SRC: variants seen among roughly 807,000 people sequenced by gnomAD.
SRC encodes the protein SRC proto-oncogene, non-receptor tyrosine kinase.
Under a neutral mutation model 62.9 loss-of-function variants are expected in SRC, and 13 were observed. The ratio of observed to expected loss-of-function variants is 0.21; its 90% CI spans 0.13 to 0.33. SRC has a LOEUF of 0.33. Among genes scored for constraint, SRC ranks in the 10% least tolerant of loss-of-function variants. The pLI, the probability that SRC is intolerant of heterozygous loss-of-function variation, is 1.00. For missense variants in SRC, 457 were observed against 737.3 expected (o/e 0.62, Z 4.40); for synonymous variants, 302 against 317.5 (o/e 0.95, Z 0.52).
At position 37,402,911 on chromosome 20, in the gene SRC, C is replaced by T. The variant is rs376562234; in HGVS notation, c.1402+31C>T. On this transcript the variant is annotated intron_variant, in intron 13 of 13. Transcript: ENST00000373578. The surrounding 1 kb of genome is among the most constrained non-coding windows in gnomAD (Gnocchi z 6.2). Reference sequence around the variant, plus strand: ...AAGGTCCTCATGGCCTGTCTGTGGTCCCTGAATCCCTCTGCCCTGGTGGCC... The same window carrying T: ...AAGGTCCTCATGGCCTGTCTGTGGTTCCTGAATCCCTCTGCCCTGGTGGCC... 1.6e-5 allele frequency: 25 copies of T among 1,602,462 alleles called. No individual in the cohort carries two copies. The highest frequency in any genetic ancestry group is 1.5e-4 in the African/African-American group (11 of 74,664).
intron 1 of SRC, among the ~76,000 whole-genome samples, chr20:37,347,168 C>G (rs1023296141): frequency 6.6e-6 from 1 of 152,238 alleles, no homozygotes; most frequent in Non-Finnish European, 1.5e-5. Context: ...TGTGTGTGCC[C>G]CTGGGCAAGA....
chr20:37,373,332 A>G (rs1035367167), intron 2 of SRC, among the ~76,000 whole-genome samples: 1 of 150,626 alleles, frequency 6.6e-6, no homozygotes, highest in African/African-American at 2.4e-5. Context: ...ACACATACAC[A>G]CATGTACACA....
At chr20:37,395,807 G>T (rs570327442) in intron 7 of SRC, among the ~76,000 whole-genome samples, 90 of 152,364 alleles carry the variant, frequency 5.9e-4, no homozygotes, top group Middle Eastern at 6.8e-3. Context: ...ATATGTGGTT[G>T]CATGGAATCT....
At position 37,386,071 on chromosome 20, in the gene SRC, G is replaced by A; in HGVS notation, c.251-4G>A. ...GTTCTGACACACCCCACCCCTCTCT[G>A]CAGGTGGAGTGACCACCTTTGTGGC... On this transcript the variant is annotated splice_region_variant and splice_polypyrimidine_tract_variant and intron_variant, in intron 4 of 13. Coordinates refer to ENST00000373578, the MANE Select transcript of SRC (RefSeq NM_198291.3). 6.2e-7 allele frequency: 1 copy of A among 1,609,206 alleles called. No homozygotes were observed. The highest frequency in any genetic ancestry group is 8.5e-7 in the Non-Finnish European group (1 of 1,175,518).
intron 2 of SRC, among the ~76,000 whole-genome samples, chr20:37,371,019 A>C (rs1600976716): frequency 1.7e-5 from 2 of 118,426 alleles, no homozygotes; most frequent in African/African-American, 3.4e-5. Context: ...ACGGAGTTTC[A>C]CTCTTGTTGC....
chr20:37,361,197 G>A, intron 1 of SRC, among the ~76,000 whole-genome samples: 1 of 152,158 alleles, frequency 6.6e-6, no homozygotes, highest in South Asian at 2.1e-4. Flanking sequence ...TTTAAGGGAG[G>A]GTCAAGGGAT....
chr20:37,368,518 C>CTTTTTTTTTTTTTTGTTTTTTTTTGTTTT (rs2070102489), intron 2 of SRC, among the ~76,000 whole-genome samples: 2 of 73,918 alleles, frequency 2.7e-5, no homozygotes, highest in African/African-American at 4.3e-5. Context: ...CCTATATTTT[C>CTTTTTTTTTTTTTTGTTTTTTTTTGTTTT]TTTTTTTTTT....
rs1183731009 is a variant in SRC at position 37,397,611 on chromosome 20, A to C, written c.704-88A>C. ...TGCGTGTCCCCTGAAATCTGTGTGC[A>C]TCTGGCATGTAGGGCGACACACACT... On this transcript the variant is annotated intron_variant, in intron 8 of 13. Transcript: ENST00000373578. This position sits in a 1 kb window ranked among gnomAD's most constrained non-coding sequence, Gnocchi z 4.1. The C allele has an allele frequency of 7.0e-7, 1 of 1,437,312 alleles. No homozygotes were observed. The highest frequency in any genetic ancestry group is 2.6e-5 in the East Asian group (1 of 38,894). The allele number at this position is 1,437,312 out of a possible 1,614,324, so 89.0% of individuals were successfully genotyped here.
At chr20:37,389,776 C>G (rs6018236) in intron 5 of SRC, among the ~76,000 whole-genome samples, 151,205 of 152,354 alleles carry the variant, frequency 0.99, 75,035 homozygotes, top group Middle Eastern at 1. Context: ...GAGAGGTGAA[C>G]TCAGTTGCTT....
In SRC at chr20:37,404,339, C is replaced by G; in HGVS notation, c.*960C>G. The G allele has an allele frequency of 4.3e-6, 1 of 233,612 alleles. No homozygotes were observed. The allele number at this position is 233,612 out of a possible 1,614,324, so 14.5% of individuals were successfully genotyped here. A position where few individuals can be genotyped will look rare whatever the true frequency, so the allele number is the denominator to read the frequency against. ...AAAGGTGCAGGTGTGGAGAGAGAGG[C>G]TTCAATCGGCTTGTGGGTGATGTTT... On this transcript the variant is annotated 3_prime_UTR_variant, in exon 14 of 14. Transcript: ENST00000373578.
At chr20:37,379,895 C>CA (rs774306236) in intron 2 of SRC, among the ~76,000 whole-genome samples, 17,111 of 40,950 alleles carry the variant, frequency 0.42, 3,020 homozygotes, top group African/African-American at 0.57. Flanking sequence ...GACTCCATTT[C>CA]AAAAAAAAAA....
chr20:37,391,151 C>G (rs4810600), intron 5 of SRC, among the ~76,000 whole-genome samples: 287 of 152,300 alleles, frequency 1.9e-3, no homozygotes, highest in African/African-American at 6.5e-3. Context: ...CCCCAGAGGC[C>G]GGCCAGCCTG....
At chr20:37,381,032 G>A (rs1413542940) in intron 2 of SRC, among the ~76,000 whole-genome samples, 2 of 152,068 alleles carry the variant, frequency 1.3e-5, no homozygotes, top group African/African-American at 4.8e-5. Context: ...GATCGATAGA[G>A]AGGAAAACTG....
chr20:37,396,420 C>T lies in SRC; in HGVS notation c.703+109C>T. 1 of 1,298,228 alleles carries T rather than the reference C, an allele frequency of 7.7e-7. No individual in the cohort carries two copies. The highest frequency in any genetic ancestry group is 2.4e-5 in the East Asian group (1 of 41,360). The allele number at this position is 1,298,228 out of a possible 1,614,324, so 80.4% of individuals were successfully genotyped here. A position where few individuals can be genotyped will look rare whatever the true frequency, so the allele number is the denominator to read the frequency against. On this transcript the variant is annotated intron_variant, in intron 8 of 13. Coordinates refer to ENST00000373578, the MANE Select transcript of SRC (RefSeq NM_198291.3). The surrounding 1 kb of genome is among the most constrained non-coding windows in gnomAD (Gnocchi z 6.1). ...TGGGGACTTCTGTTATCCTGCTTCTCTCCCCACTTCCCCCTCCCCCCTCCC... is the reference window on the plus strand; with the variant it reads ...TGGGGACTTCTGTTATCCTGCTTCTTTCCCCACTTCCCCCTCCCCCCTCCC...
At chr20:37,377,501 C>T (rs2070295467) in intron 2 of SRC, among the ~76,000 whole-genome samples, 1 of 152,162 alleles carries the variant, frequency 6.6e-6, no homozygotes, top group African/African-American at 2.4e-5. Flanking sequence ...GGCTGAACAG[C>T]AGTGTGACCT....
In SRC at chr20:37,405,585, G is replaced by A. The variant is rs2070817173; in HGVS notation, c.*2206G>A. 2 of 173,638 alleles carry A rather than the reference G, an allele frequency of 1.2e-5. No homozygotes were observed. The highest frequency in any genetic ancestry group is 4.7e-5 in the African/African-American group (2 of 42,112). The allele number at this position is 173,638 out of a possible 1,614,324, so 10.8% of individuals were successfully genotyped here. A position where few individuals can be genotyped will look rare whatever the true frequency, so the allele number is the denominator to read the frequency against. On this transcript the variant is annotated 3_prime_UTR_variant, in exon 14 of 14. Transcript: ENST00000373578. ...TTGGAGACAGCTACGGCAGAATGTG[G>A]CTGTTTGTGAACATCTGCACCTGTG...
In SRC at chr20:37,384,136, C is replaced by T. The variant is rs2070407923; in HGVS notation, c.-4-14C>T. The T allele has an allele frequency of 6.3e-7, 1 of 1,599,198 alleles. No individual in the cohort carries two copies. The highest frequency in any genetic ancestry group is 8.5e-7 in the Non-Finnish European group (1 of 1,176,384). ...AGCCCTGCCTGTTCCAGTGTCTTCT[C>T]TCTCTCCTGCCAGGACCATGGGTAG... On this transcript the variant is annotated splice_polypyrimidine_tract_variant and intron_variant, in intron 3 of 13. Coordinates refer to ENST00000373578, the MANE Select transcript of SRC (RefSeq NM_198291.3). The surrounding 1 kb of genome is among the most constrained non-coding windows in gnomAD (Gnocchi z 6.7).
Position 37,405,379 on chromosome 20 carries a change from C to T in SRC, c.*2000C>T. 4.6e-6 allele frequency: 1 copy of T among 218,040 alleles called. No homozygotes were observed. The highest frequency in any genetic ancestry group is 6.7e-5 in the East Asian group (1 of 14,914). The allele number at this position is 218,040 out of a possible 1,614,324, so 13.5% of individuals were successfully genotyped here. A position where few individuals can be genotyped will look rare whatever the true frequency, so the allele number is the denominator to read the frequency against. On this transcript the variant is annotated 3_prime_UTR_variant, in exon 14 of 14. Transcript: ENST00000373578. Reference sequence around the variant, plus strand: ...GGGTATCCAGAATTGGTTGTAAATACTTTGCATATTGTCTGATTAAACACA... The same window carrying T: ...GGGTATCCAGAATTGGTTGTAAATATTTTGCATATTGTCTGATTAAACACA...
Position 37,398,342 on chromosome 20 carries a change from G to A in SRC, c.859+488G>A, listed in dbSNP as rs1368376567. Among the ~76,000 whole-genome samples, 1 of 152,240 alleles carries A rather than the reference G, an allele frequency of 6.6e-6. No individual in the cohort carries two copies. On this transcript the variant is annotated intron_variant, in intron 9 of 13. Coordinates refer to ENST00000373578, the MANE Select transcript of SRC (RefSeq NM_198291.3). The surrounding 1 kb of genome is among the most constrained non-coding windows in gnomAD (Gnocchi z 5.2). ...CGTCTGACCCTGGAGAAACAGCAAAGCATGAGCACCGTGCAGCCCTGACAA... is the reference window on the plus strand; with the variant it reads ...CGTCTGACCCTGGAGAAACAGCAAAACATGAGCACCGTGCAGCCCTGACAA...
Sources: allele counts gnomAD v4.1 joint callset (sites outside exome capture counted in the v4.1 genomes callset), GRCh38; gene constraint gnomAD v4.1.1; non-coding constraint Gnocchi (gnomAD v3.1); transcripts MANE v1.5; gene names NCBI Gene and HGNC (gene_info 2026-07-23, HGNC 2026-07-21).